CDC14B: variants seen among roughly 807,000 people sequenced by gnomAD.
The protein encoded by CDC14B is dual specificity protein phosphatase CDC14B.
Under a neutral mutation model 64.2 loss-of-function variants are expected in CDC14B, and 22 were observed. The observed-to-expected ratio is 0.34, with a 90% CI of 0.24 to 0.49. The LOEUF (loss-of-function observed/expected upper bound fraction) is 0.49, where lower values mean the gene tolerates loss of function less well. Among genes scored for constraint, CDC14B ranks in the 20% least tolerant of loss-of-function variants. The probability of loss-of-function intolerance (pLI) is 0.99; values close to 1 mark genes in which losing one functional copy is unlikely to be tolerated. For synonymous variants in CDC14B, 191 were observed against 215.8 expected (o/e 0.89, Z 1.01); for missense variants, 498 against 629.9 (o/e 0.79, Z 2.24).
In CDC14B at chr9:96,580,799, TA is replaced by T. The variant is rs550219527; in HGVS notation, c.161-15317del. 1.8e-4 allele frequency among the ~76,000 whole-genome samples: 27 copies of T among 152,300 alleles called. No homozygotes were observed. In the South Asian group the frequency reaches 5.2e-3, roughly 29 times the overall value. On this transcript the variant is annotated intron_variant, in intron 1 of 13. Coordinates refer to ENST00000375241, the MANE Select transcript of CDC14B (RefSeq NM_033331.4). ...CAATCATACTATCACTTAAAGTTAA[TA>T]AAGTAGATCAATATGTAATCTTTCC...
At position 96,501,528 on chromosome 9, in the gene CDC14B, A is replaced by G. The variant is rs1196238364; in HGVS notation, c.*2225T>C. 6.6e-6 allele frequency: 1 copy of G among 152,426 alleles called. No homozygotes were observed. The highest frequency in any genetic ancestry group is 2.4e-5 in the African/African-American group (1 of 41,460). The allele number at this position is 152,426 out of a possible 1,614,324, so 9.4% of individuals were successfully genotyped here. Reference sequence around the variant, plus strand: ...GACCCAGAGACTTCCTGGATGCTAGAGACAGTCCTCATAAGTGTAACACTG... The same window carrying G: ...GACCCAGAGACTTCCTGGATGCTAGGGACAGTCCTCATAAGTGTAACACTG... On this transcript the variant is annotated 3_prime_UTR_variant, in exon 14 of 14. Transcript: ENST00000375241.
chr9:96,492,567 A>C (rs936444766), exon 14 of CDC14B: 1 of 152,198 alleles, frequency 6.6e-6, no homozygotes, highest in Non-Finnish European at 1.5e-5. Flanking sequence ...AACATGGTGA[A>C]ACCCTGTCTC....
intron 13 of CDC14B, among the ~76,000 whole-genome samples, chr9:96,504,155 G>A (rs987899987): frequency 6.6e-6 from 1 of 152,174 alleles, no homozygotes; most frequent in African/African-American, 2.4e-5. Context: ...TTTCCTCTGA[G>A]GGACCAGGCT....
chr9:96,589,696 C>T (rs1845668875), intron 1 of CDC14B, among the ~76,000 whole-genome samples: 1 of 152,094 alleles, frequency 6.6e-6, no homozygotes, highest in Non-Finnish European at 1.5e-5. Context: ...CGGTGGCTCA[C>T]ACCTGTAATC....
chr9:96,578,056 C>T (rs1414729057), intron 1 of CDC14B, among the ~76,000 whole-genome samples: 1 of 152,096 alleles, frequency 6.6e-6, no homozygotes, highest in Admixed American at 6.5e-5. Context: ...TTACAGAACA[C>T]ACTATAAAAA....
chr9:96,514,786 G>A (rs1222020001), intron 12 of CDC14B: 4 of 985,338 alleles, frequency 4.1e-6, no homozygotes, highest in African/African-American at 3.5e-5. Flanking sequence ...GGACACACCC[G>A]CCTTCTGGGG....
At chr9:96,540,804 G>A (rs1839942627) in intron 6 of CDC14B, among the ~76,000 whole-genome samples, 1 of 152,030 alleles carries the variant, frequency 6.6e-6, no homozygotes. Flanking sequence ...ATTTCCACCA[G>A]TGCCCCATAC....
intron 1 of CDC14B, among the ~76,000 whole-genome samples, chr9:96,604,563 A>G (rs574269661): frequency 1.3e-4 from 19 of 147,134 alleles, no homozygotes; most frequent in African/African-American, 4.8e-4. Flanking sequence ...TATTTTTAGT[A>G]GAGACAGGGT....
At chr9:96,545,615 G>T (rs1840697951) in intron 5 of CDC14B, among the ~76,000 whole-genome samples, 1 of 152,100 alleles carries the variant, frequency 6.6e-6, no homozygotes, top group African/African-American at 2.4e-5. Context: ...ACTGCGCCTG[G>T]CTTGATTATC....
intron 1 of CDC14B, among the ~76,000 whole-genome samples, chr9:96,590,750 T>C (rs1249936604): frequency 6.6e-6 from 1 of 152,098 alleles, no homozygotes; most frequent in Non-Finnish European, 1.5e-5. Context: ...TTTTCTTTTT[T>C]AGAGATGGGG....
Position 96,505,135 on chromosome 9 carries a change from C to T in CDC14B, c.1461-1346G>A, listed in dbSNP as rs549222777. Among the ~76,000 whole-genome samples the T allele has an allele frequency of 4.0e-5, 6 of 151,146 alleles. No individual in the cohort carries two copies. In the East Asian group the frequency reaches 1.2e-3, roughly 29 times the overall value. On this transcript the variant is annotated intron_variant, in intron 13 of 13. Transcript: ENST00000375241. ...GGTGGAGGTTGTAGTGAGCCAAGAT[C>T]GCACCACAGCACTCCAGCCTGGGTA... is the stretch of plus-strand genomic sequence containing the variant.
rs188941710 is a variant in CDC14B at position 96,537,525 on chromosome 9, C to G, written c.627+1553G>C. Among the ~76,000 whole-genome samples the G allele has an allele frequency of 2.0e-5, 3 of 152,212 alleles. No individual in the cohort carries two copies. The East Asian group carries it at 5.8e-4, about 30-fold the overall frequency. The stretch of plus-strand genomic sequence containing the variant: ...GGCATTCCTGGGCCTTCTGATGGAG[C>G]TAAGATTACACTTTTCTGATCATTT... On this transcript the variant is annotated intron_variant, in intron 7 of 13. Transcript: ENST00000375241.
intron 1 of CDC14B, among the ~76,000 whole-genome samples, chr9:96,593,790 G>A (rs944211165): frequency 6.6e-6 from 1 of 152,082 alleles, no homozygotes; most frequent in Non-Finnish European, 1.5e-5. Context: ...CATACACAAA[G>A]AAGAGATGTC....
At chr9:96,517,387 T>C (rs1204156112) in intron 12 of CDC14B, among the ~76,000 whole-genome samples, 3 of 143,950 alleles carry the variant, frequency 2.1e-5, no homozygotes, top group African/African-American at 7.8e-5. Context: ...GCGTGGTGGC[T>C]CACACCTGTA....
chr9:96,616,055 G>A (rs1031915426), intron 1 of CDC14B, among the ~76,000 whole-genome samples: 1 of 152,226 alleles, frequency 6.6e-6, no homozygotes, highest in Non-Finnish European at 1.5e-5. Flanking sequence ...GCTGCGGGCG[G>A]TGGCTCACGC....
chr9:96,563,750 A>G (rs1026725829), intron 3 of CDC14B, among the ~76,000 whole-genome samples: 1 of 152,074 alleles, frequency 6.6e-6, no homozygotes, highest in Non-Finnish European at 1.5e-5. Flanking sequence ...TGAGTACAGG[A>G]AAAAAATTTT....
intron 9 of CDC14B, among the ~76,000 whole-genome samples, chr9:96,529,489 C>CAT (rs1564255829): frequency 0.055 from 8,025 of 145,074 alleles, 774 homozygotes; most frequent in African/African-American, 0.2. Flanking sequence ...TTGTACTAAG[C>CAT]CTTTTTTTTT....
At position 96,534,524 on chromosome 9, in the gene CDC14B, A is replaced by C; in HGVS notation, c.646T>G (p.Leu216Val). Reference protein sequence around the residue: ...EHYEKAENGDLNWIIPDRFIA... With the variant: ...EHYEKAENGDVNWIIPDRFIA... Reference sequence around the variant, plus strand: ...AATCGGTCTGGTATTATCCAATTTAAATCTCCATTTTCTGCTTTCTGCAAG... The same window carrying C: ...AATCGGTCTGGTATTATCCAATTTACATCTCCATTTTCTGCTTTCTGCAAG... Residue 216 changes from leucine to valine, a missense_variant, in exon 8 of 14, where the codon TTA becomes GTA. Coordinates refer to ENST00000375241, the MANE Select transcript of CDC14B (RefSeq NM_033331.4). The C allele has an allele frequency of 6.2e-7, 1 of 1,613,144 alleles. No individual in the cohort carries two copies. The highest frequency in any genetic ancestry group is 8.5e-7 in the Non-Finnish European group (1 of 1,179,206).
Position 96,503,705 on chromosome 9 carries a change from A to G in CDC14B, c.*48T>C. On this transcript the variant is annotated 3_prime_UTR_variant, in exon 14 of 14. Coordinates refer to ENST00000375241, the MANE Select transcript of CDC14B (RefSeq NM_033331.4). ...TTCAAATTGTGCTAATTTCTGTTGC[A>G]GTTTTCAGTCCTAGAGTCTTCCTTC... 2.0e-6 allele frequency: 3 copies of G among 1,528,602 alleles called. No homozygotes were observed. The highest frequency in any genetic ancestry group is 2.7e-6 in the Non-Finnish European group (3 of 1,111,446). 94.7% of individuals were successfully genotyped at this position (1,528,602 alleles called of 1,614,324 possible). A position where few individuals can be genotyped will look rare whatever the true frequency, so the allele number is the denominator to read the frequency against.
Sources: allele counts gnomAD v4.1 joint callset (sites outside exome capture counted in the v4.1 genomes callset), GRCh38; gene constraint gnomAD v4.1.1; transcripts MANE v1.5; gene names NCBI Gene and HGNC (gene_info 2026-07-23, HGNC 2026-07-21).